Variants in STAT3 observed in about 807,000 individuals in gnomAD.
STAT3 encodes the protein signal transducer and activator of transcription 3, also known as DNA-binding protein APRF.
STAT3 carries 7 observed loss-of-function variants against 114.3 expected under a neutral mutation model. The ratio of observed to expected loss-of-function variants is 0.06; its 90% confidence interval spans 0.03 to 0.11. The LOEUF is 0.11. STAT3 is among the 10% of genes least tolerant of loss of function. The probability of loss-of-function intolerance (pLI) is 1.00; values close to 1 mark genes in which losing one functional copy is unlikely to be tolerated. For synonymous variants in STAT3, 331 were observed against 354.5 expected, an observed-to-expected ratio of 0.93 and a Z score of 0.74; for missense variants, 364 against 960.9, an observed-to-expected ratio of 0.38 and a Z score of 8.21.
intron 1 of STAT3, among the ~76,000 whole-genome samples, chr17:42,356,184 T>C (rs1024126527): frequency 1.3e-5 from 2 of 152,162 alleles, no homozygotes; most frequent in East Asian, 3.8e-4. Flanking sequence ...CCAGTCCTTT[T>C]AAGAGATATG....
Position 42,337,768 on chromosome 17 carries a change from G to T in STAT3, c.640C>A (p.Arg214=). Residue 214 remains arginine, a synonymous_variant, in exon 7 of 24, where the codon CGG becomes AGG. Transcript: ENST00000264657. The surrounding 1 kb of genome is among the most constrained non-coding windows in gnomAD (Gnocchi z 4.0). ...GGTCCGACCTATGCCCTTACTCTCC[G>T]CATCTGGTCCAGCGCAGTGAGCATC... The part of the protein sequence containing the change: ...EQMLTALDQM[R]RSIVSELAGL... 1 of 1,614,204 alleles carries T rather than the reference G, an allele frequency of 6.2e-7. No individual in the cohort carries two copies. The highest frequency in any genetic ancestry group is 8.5e-7 in the Non-Finnish European group (1 of 1,180,034).
chr17:42,345,858 G>A (rs191862346), intron 3 of STAT3, among the ~76,000 whole-genome samples: 3 of 150,750 alleles, frequency 2.0e-5, no homozygotes, highest in East Asian at 2.0e-4. Context: ...TGTAACAGAA[G>A]GCACATTAGC....
chr17:42,384,893 T>C (rs927531053), intron 1 of STAT3, among the ~76,000 whole-genome samples: 6 of 152,186 alleles, frequency 3.9e-5, no homozygotes, highest in Non-Finnish European at 7.3e-5. Flanking sequence ...TGGGACCCAG[T>C]TGAAATCCCT....
chr17:42,340,355 C>CA (rs10706259), intron 4 of STAT3, among the ~76,000 whole-genome samples: 1,975 of 117,018 alleles, frequency 0.017, 46 homozygotes, highest in African/African-American at 0.047. Context: ...AACTCCATCT[C>CA]AAAAAAAAAA....
In STAT3 at chr17:42,333,803, T is replaced by G; in HGVS notation, c.957-38A>C. On this transcript the variant is annotated intron_variant, in intron 9 of 23. Transcript: ENST00000264657. This position sits in a 1 kb window ranked among gnomAD's most constrained non-coding sequence, Gnocchi z 5.2. ...AAGATGGGCTCACGCGCCACGGCCATGACCAGAAGTCAGCCCGCCTCTCAC... is the reference window on the plus strand; with the variant it reads ...AAGATGGGCTCACGCGCCACGGCCAGGACCAGAAGTCAGCCCGCCTCTCAC... 1 of 1,614,152 alleles carries G rather than the reference T, an allele frequency of 6.2e-7. No individual in the cohort carries two copies. The highest frequency in any genetic ancestry group is 8.5e-7 in the Non-Finnish European group (1 of 1,180,012).
chr17:42,317,392 T>A (rs1025078714), intron 21 of STAT3, 168 bp from the exon 22 acceptor site: 1 of 754,398 alleles, frequency 1.3e-6, no homozygotes, highest in African/African-American at 1.7e-5. Context: ...CCCTCATTTA[T>A]ACTATTTGAT....
chr17:42,348,085 C>T (rs2082778037), intron 2 of STAT3, among the ~76,000 whole-genome samples: 1 of 152,202 alleles, frequency 6.6e-6, no homozygotes, highest in African/African-American at 2.4e-5. Flanking sequence ...ATGTCTACCA[C>T]ATCACTGGAT....
In STAT3 at chr17:42,356,540, T is replaced by TATA. The variant is rs60663311; in HGVS notation, c.-23-8002_-23-8001insTAT. 9.6e-3 allele frequency among the ~76,000 whole-genome samples: 1,146 copies of TATA among 118,824 alleles called. 12 individuals are homozygous for TATA. Among genetic ancestry groups the TATA allele is most frequent in the African/African-American group, 0.028 (849 of 30,172 alleles). The allele number at this position is 118,824 out of a possible 152,430, so 78.0% of individuals were successfully genotyped here. ...GTGTGTGTGTATATATATATATATA[T>TATA]TTTTTTTTTTTTACATTGGAGTCAT... On this transcript the variant is annotated intron_variant, in intron 1 of 23. Transcript: ENST00000264657.
intron 1 of STAT3, among the ~76,000 whole-genome samples, chr17:42,373,211 G>A (rs1410714635): frequency 3.9e-5 from 6 of 152,110 alleles, no homozygotes; most frequent in East Asian, 1.9e-4. Flanking sequence ...TTAGCCAGGC[G>A]TGGTGGCAGA....
At chr17:42,356,184 T>G (rs1024126527) in intron 1 of STAT3, among the ~76,000 whole-genome samples, 1 of 152,162 alleles carries the variant, frequency 6.6e-6, no homozygotes, top group Non-Finnish European at 1.5e-5. Context: ...CCAGTCCTTT[T>G]AAGAGATATG....
chr17:42,326,825 ATCAG>A (rs1361173066), intron 14 of STAT3, among the ~76,000 whole-genome samples: 1 of 152,248 alleles, frequency 6.6e-6, no homozygotes, highest in African/African-American at 2.4e-5. Context: ...GTCTCAATCA[ATCAG>A]TCAATCAATA....
intron 21 of STAT3, among the ~76,000 whole-genome samples, chr17:42,319,541 CAAAAAAA>C (rs552897255): frequency 4.6e-5 from 2 of 43,846 alleles, no homozygotes; most frequent in African/African-American, 1.2e-4. Flanking sequence ...GACTCAGGCT[CAAAAAAA>C]AAAAAAAAAA....
intron 4 of STAT3, among the ~76,000 whole-genome samples, chr17:42,344,363 A>G (rs928990356): frequency 6.6e-6 from 1 of 150,470 alleles, no homozygotes; most frequent in Non-Finnish European, 1.5e-5. Flanking sequence ...CAGAAGTTGC[A>G]GTGAGCTGAG....
chr17:42,378,591 T>C (rs1275193138), intron 1 of STAT3, among the ~76,000 whole-genome samples: 1 of 152,242 alleles, frequency 6.6e-6, no homozygotes, highest in Admixed American at 6.5e-5. Context: ...TAAATGTGCT[T>C]TCCCTAAACA....
At chr17:42,331,432 T>C (rs751715109) in intron 11 of STAT3, 40 bp downstream of exon 11, 4 of 1,535,962 alleles carry the variant, frequency 2.6e-6, no homozygotes, top group African/African-American at 1.4e-5. Flanking sequence ...CATTTTTCTA[T>C]TCCTCATTTG....
intron 23 of STAT3, chr17:42,316,223 C>A (rs1428838856): frequency 2.2e-6 from 1 of 463,848 alleles, no homozygotes; most frequent in Non-Finnish European, 3.3e-6. Flanking sequence ...AAGGTCTCAA[C>A]TTTTTCTTTT....
At position 42,337,909 on chromosome 17, in the gene STAT3, G is replaced by C. The variant is rs185518506; in HGVS notation, c.551-52C>G. 6 of 1,423,908 alleles carry C rather than the reference G, an allele frequency of 4.2e-6. No individual in the cohort carries two copies. In the East Asian group the frequency reaches 1.4e-4, roughly 33 times the overall value. 88.2% of individuals were successfully genotyped at this position (1,423,908 alleles called of 1,614,324 possible). ...CCTGAGGGAATACTCCTTGACCTGA[G>C]GGAATACTCCTTGACCTGAGGGAAT... On this transcript the variant is annotated intron_variant, in intron 6 of 23. Coordinates refer to ENST00000264657, the MANE Select transcript of STAT3 (RefSeq NM_139276.3). The surrounding 1 kb of genome is among the most constrained non-coding windows in gnomAD (Gnocchi z 4.0).
At chr17:42,330,182 T>C (rs2081941469) in intron 11 of STAT3, among the ~76,000 whole-genome samples, 1 of 151,688 alleles carries the variant, frequency 6.6e-6, no homozygotes. Flanking sequence ...AATGGTGTGA[T>C]CTCGGCTCAC....
chr17:42,375,230 C>T (rs56176043), intron 1 of STAT3, among the ~76,000 whole-genome samples: 2,022 of 152,278 alleles, frequency 0.013, 20 homozygotes, highest in Non-Finnish European at 0.023. Context: ...ATCTCTAAAA[C>T]AAAAACATTT....
Sources: allele counts gnomAD v4.1 joint callset (sites outside exome capture counted in the v4.1 genomes callset), GRCh38; gene constraint gnomAD v4.1.1; non-coding constraint Gnocchi (gnomAD v3.1); transcripts MANE v1.5; gene names NCBI Gene and HGNC (gene_info 2026-07-23, HGNC 2026-07-21).